The following TRPM6 variants were observed in gnomAD, a reference collection of about 807,000 sequenced individuals.
The protein encoded by TRPM6 is channel kinase 2.
In TRPM6, 111 loss-of-function variants were observed where a neutral mutation model predicts 247.6. The observed-to-expected ratio is 0.45, with a 90% CI of 0.38 to 0.52. The LOEUF is 0.52. Ranked by LOEUF, TRPM6 falls within the 20% of genes least tolerant of loss-of-function variation. TRPM6 has a pLI of 0.00. For missense variants in TRPM6, 2,126 were observed against 2,421.5 expected (o/e 0.88, Z 2.56); for synonymous variants, 892 against 853.8 (o/e 1.04, Z -0.78).
chr9:74,883,629 T>G (rs1831434703), intron 1 of TRPM6, among the ~76,000 whole-genome samples: 1 of 152,176 alleles, frequency 6.6e-6, no homozygotes, highest in Non-Finnish European at 1.5e-5. Flanking sequence ...TAATGTGTAT[T>G]GACATGGAAA....
chr9:74,867,942 C>A (rs1830904102), intron 1 of TRPM6, among the ~76,000 whole-genome samples: 1 of 151,616 alleles, frequency 6.6e-6, no homozygotes, highest in South Asian at 2.1e-4. Context: ...CACGTGAGGT[C>A]AGGAGTTCCA....
At chr9:74,829,641 T>C (rs953702247) in intron 6 of TRPM6, among the ~76,000 whole-genome samples, 3 of 152,158 alleles carry the variant, frequency 2.0e-5, no homozygotes, top group African/African-American at 7.2e-5. Context: ...TTTATAAACA[T>C]TAGGCTTTAA....
chr9:74,844,131 T>A (rs558767947), intron 3 of TRPM6, among the ~76,000 whole-genome samples: 90 of 152,324 alleles, frequency 5.9e-4, no homozygotes, highest in African/African-American at 2.1e-3. Flanking sequence ...AGCATAATTA[T>A]TAAGGGACCT....
chr9:74,806,685 C>T (rs1243312388), intron 14 of TRPM6, among the ~76,000 whole-genome samples: 1 of 152,170 alleles, frequency 6.6e-6, no homozygotes, highest in African/African-American at 2.4e-5. Context: ...AGGGTCATTA[C>T]TATTCCCATT....
chr9:74,815,270 GA>G (rs996240887), intron 11 of TRPM6, among the ~76,000 whole-genome samples: 10 of 149,610 alleles, frequency 6.7e-5, no homozygotes, highest in African/African-American at 2.2e-4. Flanking sequence ...TTCCAGATAG[GA>G]AAAAAAAATG....
chr9:74,750,610 G>C, intron 30 of TRPM6, 54 bp downstream of exon 30: 1 of 1,526,456 alleles, frequency 6.6e-7, no homozygotes, highest in Non-Finnish European at 9.1e-7. Flanking sequence ...TCCTAACCAA[G>C]TTAAAAAAAT....
intron 33 of TRPM6, among the ~76,000 whole-genome samples, chr9:74,742,312 CA>C (rs1484764475): frequency 6.6e-6 from 1 of 152,154 alleles, no homozygotes; most frequent in African/African-American, 2.4e-5. Context: ...ATGCCAGGTG[CA>C]ATATTATTGC....
intron 7 of TRPM6, among the ~76,000 whole-genome samples, chr9:74,823,669 G>A (rs1829212482): frequency 6.6e-6 from 1 of 152,124 alleles, no homozygotes; most frequent in South Asian, 2.1e-4. Flanking sequence ...AAATGAGGCG[G>A]CAAAAATAGT....
intron 11 of TRPM6, among the ~76,000 whole-genome samples, chr9:74,814,196 G>T (rs1240167433): frequency 6.6e-6 from 1 of 152,122 alleles, no homozygotes; most frequent in African/African-American, 2.4e-5. Flanking sequence ...AGACTGCCAG[G>T]CATAGAAAGA....
intron 11 of TRPM6, among the ~76,000 whole-genome samples, chr9:74,815,800 T>C (rs1218220683): frequency 2.0e-5 from 3 of 152,262 alleles, no homozygotes; most frequent in Non-Finnish European, 4.4e-5. Context: ...TACCATCTTT[T>C]AAAATTGCCT....
chr9:74,868,612 C>T (rs577127173), intron 1 of TRPM6, among the ~76,000 whole-genome samples: 4 of 152,244 alleles, frequency 2.6e-5, no homozygotes, highest in South Asian at 4.1e-4. Context: ...ATGTTACAAT[C>T]GTAGGCAACA....
chr9:74,800,327 T>A lies in TRPM6; in HGVS notation c.2165A>T (p.His722Leu). The A allele has an allele frequency of 1.2e-6, 2 of 1,614,188 alleles. No individual in the cohort carries two copies. The highest frequency in any genetic ancestry group is 1.7e-6 in the Non-Finnish European group (2 of 1,180,038). ...VSGGLRPFVS[H>L]TCTQMLLTDM... ...TGTCAGTAGCATCTGGGTACAAGTA[T>A]GTGAAACAAAGGGTCGTAATCCTCC... is the stretch of plus-strand genomic sequence containing the variant. Residue 722 changes from histidine to leucine, a missense_variant, in exon 17 of 39, where the codon CAT (histidine) becomes CTT (leucine). His to Leu is a moderately conservative substitution (Grantham distance 99). Coordinates refer to ENST00000360774, the MANE Select transcript of TRPM6 (RefSeq NM_017662.5).
At chr9:74,826,602 A>ATGC in intron 7 of TRPM6, among the ~76,000 whole-genome samples, 1 of 152,192 alleles carries the variant, frequency 6.6e-6, no homozygotes, top group Middle Eastern at 3.4e-3. Context: ...CCAGTGGTGC[A>ATGC]TGCTGATTCT....
chr9:74,810,724 C>T (rs529744691), intron 13 of TRPM6, 91 bp downstream of exon 13: 2 of 1,143,096 alleles, frequency 1.7e-6, no homozygotes, highest in African/African-American at 3.0e-5. Context: ...CAATCCAAAT[C>T]TGCATTTTAC....
rs1322271781 is a variant in TRPM6 at position 74,808,018 on chromosome 9, T to C, written c.1638+16A>G. On this transcript the variant is annotated intron_variant, in intron 14 of 38. Transcript: ENST00000360774. Reference sequence around the variant, plus strand: ...ATCATTCTCAATTTTACTTGGGCACTTTTCAATTACTCTACCTTGTATTTT... The same window carrying C: ...ATCATTCTCAATTTTACTTGGGCACCTTTCAATTACTCTACCTTGTATTTT... 1.2e-6 allele frequency: 2 copies of C among 1,613,778 alleles called. No individual in the cohort carries two copies. The highest frequency in any genetic ancestry group is 1.7e-6 in the Non-Finnish European group (2 of 1,179,778).
At chr9:74,885,296 G>A (rs969673120) in intron 1 of TRPM6, among the ~76,000 whole-genome samples, 1 of 152,212 alleles carries the variant, frequency 6.6e-6, no homozygotes, top group African/African-American at 2.4e-5. Context: ...GTAGTGGCAG[G>A]AAAACAGAAA....
chr9:74,787,741 A>G (rs1488484417), intron 20 of TRPM6, among the ~76,000 whole-genome samples: 1 of 152,222 alleles, frequency 6.6e-6, no homozygotes, highest in Non-Finnish European at 1.5e-5. Flanking sequence ...TTTGAGACGG[A>G]GTCTCGCTCT....
chr9:74,757,989 A>T (rs1826490235), intron 27 of TRPM6, among the ~76,000 whole-genome samples: 1 of 152,206 alleles, frequency 6.6e-6, no homozygotes, highest in African/African-American at 2.4e-5. Context: ...GATCTCAAAG[A>T]CAATAAATGA....
intron 27 of TRPM6, among the ~76,000 whole-genome samples, chr9:74,757,493 G>C (rs1442553654): frequency 6.7e-6 from 1 of 148,772 alleles, no homozygotes; most frequent in African/African-American, 2.5e-5. Context: ...TTGACCCTGG[G>C]AAGTAGAGTT....
Sources: gnomAD v4.1 joint callset for allele counts (sites outside exome capture counted in the v4.1 genomes callset) on GRCh38, gnomAD v4.1.1 for gene constraint, MANE v1.5 for transcripts, NCBI Gene and HGNC (gene_info 2026-07-23, HGNC 2026-07-21) for gene names.